Variants in INTS1 observed in about 807,000 individuals in gnomAD.
INTS1 encodes the protein integrator complex subunit 1.
In INTS1, 137 loss-of-function variants were observed where a neutral mutation model predicts 241.6. That is an observed-to-expected ratio of 0.57 (90% CI 0.49 to 0.65). INTS1 has a LOEUF of 0.65. Ranked by LOEUF, INTS1 falls within the 30% of genes least tolerant of loss-of-function variation. The probability of loss-of-function intolerance (pLI) is 0.00; values close to 1 mark genes in which losing one functional copy is unlikely to be tolerated. For missense variants in INTS1, 3,073 were observed against 3,032.2 expected, an observed-to-expected ratio of 1.01 and a Z score of -0.32; for synonymous variants, 1,692 against 1,337.8, an observed-to-expected ratio of 1.26 and a Z score of -5.78.
rs770056604 is a variant in INTS1, at chr7:1,504,018, G to A, written c.-41-17C>T. The A allele has an allele frequency of 7.6e-7, 1 of 1,308,706 alleles. No individual in the cohort carries two copies. The highest frequency in any genetic ancestry group is 1.1e-6 in the Non-Finnish European group (1 of 940,854). 81.1% of individuals were successfully genotyped at this position (1,308,706 alleles called of 1,614,324 possible). A position where few individuals can be genotyped will look rare whatever the true frequency, so the allele number is the denominator to read the frequency against. ...CGGCGTCACCTGCGGAGGAGCCAGCGTGCGGTCATTCCTTCACTCATTCGC... is the reference window on the plus strand; with the variant it reads ...CGGCGTCACCTGCGGAGGAGCCAGCATGCGGTCATTCCTTCACTCATTCGC... On this transcript the variant is annotated splice_polypyrimidine_tract_variant and intron_variant, in intron 1 of 47. Coordinates refer to ENST00000404767, the MANE Select transcript of INTS1 (RefSeq NM_001080453.3).
At chr7:1,499,805 C>T in intron 5 of INTS1, 79 bp downstream of exon 5, 1 of 1,521,376 alleles carries the variant, frequency 6.6e-7, no homozygotes, top group Non-Finnish European at 8.9e-7. Context: ...CTGGAGAGAA[C>T]ACACTTCTGC....
chr7:1,498,960 G>GGGGC lies in INTS1; in HGVS notation c.1137+11_1137+14dup. The GGGGC allele has an allele frequency of 1.0e-6, 1 of 958,364 alleles. No homozygotes were observed. The highest frequency in any genetic ancestry group is 3.4e-4 in the Middle Eastern group (1 of 2,954). 59.4% of individuals were successfully genotyped at this position (958,364 alleles called of 1,614,324 possible). ...CACCCCCTGCCCCGCCCACCCCCCC[G>GGGGC]GGGCGCCCCCGCACCTTGGGGTTCT... is the stretch of plus-strand genomic sequence containing the variant. On this transcript the variant is annotated intron_variant, in intron 8 of 47. Transcript: ENST00000404767.
Position 1,484,075 on chromosome 7 carries a change from A to G in INTS1, c.3357T>C (p.Ala1119=). The G allele has an allele frequency of 1.9e-6, 3 of 1,612,512 alleles. No homozygotes were observed. The highest frequency in any genetic ancestry group is 2.5e-6 in the Non-Finnish European group (3 of 1,179,742). The change falls in exon 25 of 48, where the codon GCT becomes GCC. Residue 1119 remains alanine (A), a synonymous_variant. Transcript: ENST00000404767. ...PSAASDAVLS[A]LLSIFSRYVR... ...CGTAGCGTGAGAAGATGGACAACAGAGCGCTCAGCACGGCGTCCGACGCGG... is the reference window on the plus strand; with the variant it reads ...CGTAGCGTGAGAAGATGGACAACAGGGCGCTCAGCACGGCGTCCGACGCGG...
chr7:1,499,748 G>C (rs1783064432), intron 5 of INTS1, 116 bp from the exon 6 acceptor site: 1 of 1,466,634 alleles, frequency 6.8e-7, no homozygotes, highest in Non-Finnish European at 9.1e-7. Context: ...GCTTCTGGGT[G>C]CAGCAGGGAC....
rs757786598 is a variant in INTS1 at position 1,486,743 on chromosome 7, C to T, written c.2858G>A (p.Arg953His). Reference sequence around the variant, plus strand: ...CGGGCCCAGTAGCAGGTCCTGCAGGCGGCCCAGCAGCTGCCGCTGCTTCTG... The same window carrying T: ...CGGGCCCAGTAGCAGGTCCTGCAGGTGGCCCAGCAGCTGCCGCTGCTTCTG... Reference protein sequence around the residue: ...RQQKQRQLLGRLQDLLLGPKA... With the variant: ...RQQKQRQLLGHLQDLLLGPKA... The change falls in exon 22 of 48, where the codon CGC (arginine) becomes CAC (histidine). Residue 953 changes from arginine (R) to histidine (H), a missense_variant. By Grantham distance (29) the Arg-to-His change is conservative (BLOSUM62 0). Transcript: ENST00000404767. 4.3e-6 allele frequency: 7 copies of T among 1,611,378 alleles called. No individual in the cohort carries two copies. The highest frequency in any genetic ancestry group is 2.2e-5 in the East Asian group (1 of 44,870).
intron 3 of INTS1, among the ~76,000 whole-genome samples, chr7:1,502,665 A>G (rs1185262533): frequency 1.3e-5 from 2 of 152,202 alleles, no homozygotes; most frequent in Non-Finnish European, 2.9e-5. Flanking sequence ...AAACAACTCA[A>G]TAAGGGAGTG....
At position 1,481,333 on chromosome 7, in the gene INTS1, G is replaced by A. The variant is rs1781984746; in HGVS notation, c.3850+9C>T. ...TGTGAACCCACTCCGCAGGTCCCTG[G>A]CATCTTACTCTTGTCCATGATGTTC... On this transcript the variant is annotated intron_variant, in intron 28 of 47. Transcript: ENST00000404767. This position sits in a 1 kb window ranked among gnomAD's most constrained non-coding sequence, Gnocchi z 6.8. The A allele has an allele frequency of 1.2e-6, 2 of 1,612,706 alleles. No homozygotes were observed.
chr7:1,499,053 G>C lies in INTS1; in HGVS notation c.1059C>G (p.Leu353=), dbSNP rs770538116. 1.3e-5 allele frequency: 21 copies of C among 1,596,026 alleles called. No individual in the cohort carries two copies. The South Asian group carries it at 2.1e-4, about 16-fold the overall frequency. ...IDNVSRNLLR[L]LTSTCGYKEV... ...CCTTATAGCCGCAGGTGGAGGTGAGGAGCCGCAGGAGGTTCCTGGAGACGT... is the reference window on the plus strand; with the variant it reads ...CCTTATAGCCGCAGGTGGAGGTGAGCAGCCGCAGGAGGTTCCTGGAGACGT... The change falls in exon 8 of 48, where the codon CTC becomes CTG. Residue 353 remains leucine, a synonymous_variant. Transcript: ENST00000404767.
intron 25 of INTS1, 53 bp from the exon 26 acceptor site, chr7:1,483,906 C>T (rs1782118277): frequency 5.7e-6 from 9 of 1,586,422 alleles, no homozygotes; most frequent in East Asian, 2.3e-5. Context: ...CCTGAGCCAG[C>T]GCCGAGGGTA....
Position 1,473,201 on chromosome 7 carries a change from C to T in INTS1, c.5958-17G>A. The T allele has an allele frequency of 6.3e-7, 1 of 1,577,260 alleles. No individual in the cohort carries two copies. The highest frequency in any genetic ancestry group is 8.7e-7 in the Non-Finnish European group (1 of 1,150,584). ...GACAGGTCGCTGGGGAGAGAAGATG[C>T]TTTCACCTGGGAGGAAGACGCTGGC... On this transcript the variant is annotated splice_polypyrimidine_tract_variant and intron_variant, in intron 42 of 47. Transcript: ENST00000404767.
rs372762131 is a variant in INTS1, at chr7:1,499,148, C to T, written c.964G>A (p.Ala322Thr). ...AGGACATACTCCTCCACGCTCTCCG[C>T]GAGCTCTTCGTACCTAGGCCAGAGG... ...GQLMPRYEEL[A>T]ESVEEYVLDM... Residue 322 changes from alanine to threonine, a missense_variant, in exon 8 of 48, where the codon GCG becomes ACG. Coordinates refer to ENST00000404767, the MANE Select transcript of INTS1 (RefSeq NM_001080453.3). 32 of 1,609,830 alleles carry T rather than the reference C, an allele frequency of 2.0e-5. No homozygotes were observed. Among genetic ancestry groups the T allele is most frequent in the Admixed American group, 3.3e-5 (2 of 59,902 alleles).
chr7:1,479,526 G>A lies in INTS1; in HGVS notation c.4233C>T (p.Thr1411=). ...ITVRVLQALA[T]LLSSPHGGAL... is the part of the protein sequence containing the mutation. ...CACCGCCGTGTGGGGAGCTGAGCAGGGTGGCGAGGGCCTGCAGGACACGCA... is the reference window on the plus strand; with the variant it reads ...CACCGCCGTGTGGGGAGCTGAGCAGAGTGGCGAGGGCCTGCAGGACACGCA... Residue 1411 remains threonine, a synonymous_variant, in exon 31 of 48, where the codon ACC becomes ACT. Coordinates refer to ENST00000404767, the MANE Select transcript of INTS1 (RefSeq NM_001080453.3). 6.4e-7 allele frequency: 1 copy of A among 1,564,906 alleles called. No homozygotes were observed. The highest frequency in any genetic ancestry group is 1.2e-5 in the South Asian group (1 of 84,978).
chr7:1,470,510 G>C lies in INTS1; in HGVS notation c.*67C>G, dbSNP rs1447679631. 2 of 1,273,702 alleles carry C rather than the reference G, an allele frequency of 1.6e-6. No homozygotes were observed. The allele number at this position is 1,273,702 out of a possible 1,614,324, so 78.9% of individuals were successfully genotyped here. A position where few individuals can be genotyped will look rare whatever the true frequency, so the allele number is the denominator to read the frequency against. On this transcript the variant is annotated 3_prime_UTR_variant, in exon 48 of 48. Transcript: ENST00000404767. ...GACCAGCAACGCCCACGCTTCCTGG[G>C]CTTTGCCTCGAGGATCCCCGGGGAC...
chr7:1,498,937 C>A (rs1424186201), intron 8 of INTS1, 38 bp downstream of exon 8: 11 of 1,405,150 alleles, frequency 7.8e-6, no homozygotes, highest in South Asian at 1.2e-5. Flanking sequence ...CCTGCCCCCA[C>A]CCCCTGCCCC....
chr7:1,485,964 T>C (rs1044611709), intron 22 of INTS1, among the ~76,000 whole-genome samples: 5 of 152,200 alleles, frequency 3.3e-5, no homozygotes, highest in Admixed American at 3.3e-4. Flanking sequence ...CAGCTCATTT[T>C]TCTCATCTTT....
In INTS1 at chr7:1,484,076, G is replaced by A. The variant is rs765260582; in HGVS notation, c.3356C>T (p.Ala1119Val). ...GTAGCGTGAGAAGATGGACAACAGA[G>A]CGCTCAGCACGGCGTCCGACGCGGC... is the stretch of plus-strand genomic sequence containing the variant. The part of the protein sequence containing the change: ...PSAASDAVLS[A>V]LLSIFSRYVR... The change falls in exon 25 of 48, where the codon GCT becomes GTT. Residue 1119 changes from alanine to valine, a missense_variant. Transcript: ENST00000404767. The A allele has an allele frequency of 8.1e-6, 13 of 1,612,430 alleles. No homozygotes were observed. Among genetic ancestry groups the A allele is most frequent in the East Asian group, 4.5e-5 (2 of 44,882 alleles).
At position 1,489,386 on chromosome 7, in the gene INTS1, T is replaced by C. The variant is rs777134102; in HGVS notation, c.2276A>G (p.Glu759Gly). Residue 759 changes from glutamate (E) to glycine (G), a missense_variant, in exon 18 of 48, where the codon GAG (glutamate) becomes GGG (glycine). By Grantham distance (98) the Glu-to-Gly change is moderately conservative. Transcript: ENST00000404767. Reference protein sequence around the residue: ...PENIGLAAWEEYPTLKMLMEM... With the variant: ...PENIGLAAWEGYPTLKMLMEM... ...CATGAGCATCTTCAGGGTCGGGTAC[T>C]CCTCCCACGCAGCCAGGCCTAGGGA... The C allele has an allele frequency of 9.6e-7, 1 of 1,037,706 alleles. No homozygotes were observed. The highest frequency in any genetic ancestry group is 1.2e-6 in the Non-Finnish European group (1 of 866,138). The allele number at this position is 1,037,706 out of a possible 1,614,324, so 64.3% of individuals were successfully genotyped here.
At chr7:1,489,000 G>A (rs188070789) in intron 18 of INTS1, among the ~76,000 whole-genome samples, 20 of 152,240 alleles carry the variant, frequency 1.3e-4, no homozygotes, top group Admixed American at 4.6e-4. Context: ...ATCTCTGGCC[G>A]GATTCTCTTG....
At position 1,483,708 on chromosome 7, in the gene INTS1, G is replaced by C. The variant is rs375789640; in HGVS notation, c.3541+34C>G. 6 of 1,558,790 alleles carry C rather than the reference G, an allele frequency of 3.8e-6. No homozygotes were observed. In the Admixed American group the frequency reaches 1.0e-4, roughly 26 times the overall value. ...GTCAGGGCTGTGGCCCACCTGGCACGAAGCTGCCCCTCCCGGGGCCTGTGG... is the reference window on the plus strand; with the variant it reads ...GTCAGGGCTGTGGCCCACCTGGCACCAAGCTGCCCCTCCCGGGGCCTGTGG... On this transcript the variant is annotated intron_variant, in intron 26 of 47. Coordinates refer to ENST00000404767, the MANE Select transcript of INTS1 (RefSeq NM_001080453.3).
Sources: allele counts gnomAD v4.1 joint callset (sites outside exome capture counted in the v4.1 genomes callset), GRCh38; gene constraint gnomAD v4.1.1; non-coding constraint Gnocchi (gnomAD v3.1); transcripts MANE v1.5; gene names NCBI Gene and HGNC (gene_info 2026-07-23, HGNC 2026-07-21).